Variants in PTPRG observed in about 807,000 individuals in gnomAD.
The protein encoded by PTPRG is receptor-type tyrosine-protein phosphatase gamma.
In PTPRG, 102 loss-of-function variants were observed where a neutral mutation model predicts 165.3. The observed-to-expected ratio is 0.62, with a 90% CI of 0.53 to 0.73. The LOEUF is 0.73. Among genes scored for constraint, PTPRG ranks in the 30% least tolerant of loss-of-function variants. The pLI is 0.00. For missense variants in PTPRG, 1,866 were observed against 1,861.4 expected, an observed-to-expected ratio of 1.00 and a Z score of -0.05; for synonymous variants, 675 against 669.5, an observed-to-expected ratio of 1.01 and a Z score of -0.13.
intron 2 of PTPRG, among the ~76,000 whole-genome samples, chr3:61,798,081 TA>T (rs1441059235): frequency 6.6e-6 from 1 of 152,198 alleles, no homozygotes; most frequent in East Asian, 1.9e-4. Flanking sequence ...TCTTCATTCT[TA>T]AAATGCTCGT....
chr3:61,706,376 A>ATT (rs61392463), intron 1 of PTPRG, among the ~76,000 whole-genome samples: 1 of 147,252 alleles, frequency 6.8e-6, no homozygotes, highest in African/African-American at 2.5e-5. Flanking sequence ...AGGAAGCTGT[A>ATT]TTTTTTTTTT....
intron 5 of PTPRG, among the ~76,000 whole-genome samples, chr3:62,085,022 A>G (rs1483820412): frequency 6.6e-6 from 1 of 152,216 alleles, no homozygotes; most frequent in Non-Finnish European, 1.5e-5. Context: ...ATTAGGGGGT[A>G]GAGCCTGAGA....
Position 62,216,140 on chromosome 3 carries a change from C to T in PTPRG, c.2156-2711C>T, listed in dbSNP as rs149570983. 6.6e-5 allele frequency among the ~76,000 whole-genome samples: 10 copies of T among 150,436 alleles called. No homozygotes were observed. In the East Asian group the frequency reaches 1.6e-3, roughly 24 times the overall value. ...GGCTAAGGTGGGAGGATCGCTTGAG[C>T]GTGGGAGGCGGAGGTTGCAGTGAGC... On this transcript the variant is annotated intron_variant, in intron 12 of 29. Transcript: ENST00000474889.
chr3:62,126,083 T>C (rs1230517499), intron 5 of PTPRG, among the ~76,000 whole-genome samples: 1 of 152,172 alleles, frequency 6.6e-6, no homozygotes, highest in East Asian at 1.9e-4. Context: ...AGAAATTGCA[T>C]GTATTGACAA....
intron 2 of PTPRG, among the ~76,000 whole-genome samples, chr3:61,916,972 G>C (rs896791410): frequency 9.9e-5 from 15 of 152,126 alleles, no homozygotes; most frequent in African/African-American, 3.6e-4. Context: ...CCATTCTTGT[G>C]GATAATTTTT....
chr3:61,598,767 T>C (rs868751738), intron 1 of PTPRG, among the ~76,000 whole-genome samples: 1 of 152,126 alleles, frequency 6.6e-6, no homozygotes, highest in African/African-American at 2.4e-5. Context: ...AGTTGGTTCC[T>C]TCTCAGGGTC....
intron 2 of PTPRG, among the ~76,000 whole-genome samples, chr3:61,868,328 T>C (rs2037467552): frequency 1.3e-5 from 2 of 152,188 alleles, no homozygotes. Flanking sequence ...TTCTTGCCTC[T>C]CTCAGATTTG....
At chr3:61,566,750 G>A (rs1265423902) in intron 1 of PTPRG, among the ~76,000 whole-genome samples, 1 of 152,140 alleles carries the variant, frequency 6.6e-6, no homozygotes, top group Non-Finnish European at 1.5e-5. Flanking sequence ...CAGGTGCTCT[G>A]CCCACCTCGG....
At position 62,228,100 on chromosome 3, in the gene PTPRG, A is replaced by G. The variant is rs1051359097; in HGVS notation, c.2289-3125A>G. Among the ~76,000 whole-genome samples, 1 of 152,078 alleles carries G rather than the reference A, an allele frequency of 6.6e-6. No homozygotes were observed. Among genetic ancestry groups the G allele is most frequent in the African/African-American group, 2.4e-5 (1 of 41,384 alleles). On this transcript the variant is annotated intron_variant, in intron 13 of 29. Transcript: ENST00000474889. The surrounding 1 kb of genome is among the most constrained non-coding windows in gnomAD (Gnocchi z 4.1). ...TTGATTTTGCATTCCCCTGGGTTGCAATAGTGATCAAGGAAAATAGTGTGT... is the reference window on the plus strand; with the variant it reads ...TTGATTTTGCATTCCCCTGGGTTGCGATAGTGATCAAGGAAAATAGTGTGT...
At position 61,621,033 on chromosome 3, in the gene PTPRG, GTATA is replaced by G. The variant is rs368012442; in HGVS notation, c.85+58677_85+58680del. On this transcript the variant is annotated intron_variant, in intron 1 of 29. Coordinates refer to ENST00000474889, the MANE Select transcript of PTPRG (RefSeq NM_002841.4). ...TGGACCCATGCCCCAGTGTGTGTGT[GTATA>G]TATATATATATATATGTGTGTGTGT... 1.5e-3 allele frequency among the ~76,000 whole-genome samples: 191 copies of G among 130,032 alleles called. 8 individuals carry two copies. In the South Asian group the frequency reaches 0.018, roughly 12 times the overall value. 85.3% of individuals were successfully genotyped at this position (130,032 alleles called of 152,430 possible). A position where few individuals can be genotyped will look rare whatever the true frequency, so the allele number is the denominator to read the frequency against.
intron 1 of PTPRG, among the ~76,000 whole-genome samples, chr3:61,622,633 A>C (rs1255097760): frequency 6.6e-6 from 1 of 152,210 alleles, no homozygotes; most frequent in East Asian, 1.9e-4. Context: ...TCTCTGATTT[A>C]TTATACAAAT....
At position 62,224,981 on chromosome 3, in the gene PTPRG, G is replaced by C. The variant is rs1397431396; in HGVS notation, c.2288+5998G>C. The stretch of plus-strand genomic sequence containing the variant: ...GGACAAGGGGCAGGGTTGTGAGGCA[G>C]ATAATAAAAATAAAATCAACTAACA... On this transcript the variant is annotated intron_variant, in intron 13 of 29. Coordinates refer to ENST00000474889, the MANE Select transcript of PTPRG (RefSeq NM_002841.4). This position sits in a 1 kb window ranked among gnomAD's most constrained non-coding sequence, Gnocchi z 4.9. Among the ~76,000 whole-genome samples, 1 of 152,126 alleles carries C rather than the reference G, an allele frequency of 6.6e-6. No homozygotes were observed. The highest frequency in any genetic ancestry group is 1.5e-5 in the Non-Finnish European group (1 of 68,022).
chr3:62,011,146 G>T (rs185151387), intron 4 of PTPRG, among the ~76,000 whole-genome samples: 1 of 152,142 alleles, frequency 6.6e-6, no homozygotes, highest in African/African-American at 2.4e-5. Flanking sequence ...CTTCCAGTGC[G>T]CATGCAGGCC....
rs1334737368 is a variant in PTPRG, at chr3:61,817,205, TATA to T, written c.190+68230_190+68232del. ...ATATATAAAATAATATATATAATAA[TATA>T]ATAATATATATAAATATATATTTAT... On this transcript the variant is annotated intron_variant, in intron 2 of 29. Coordinates refer to ENST00000474889, the MANE Select transcript of PTPRG (RefSeq NM_002841.4). 7.9e-3 allele frequency among the ~76,000 whole-genome samples: 1,099 copies of T among 139,026 alleles called. 11 individuals carry two copies. The highest frequency in any genetic ancestry group is 0.028 in the African/African-American group (1,058 of 37,768). The allele number at this position is 139,026 out of a possible 152,430, so 91.2% of individuals were successfully genotyped here.
intron 1 of PTPRG, among the ~76,000 whole-genome samples, chr3:61,602,176 C>G (rs1700887586): frequency 6.6e-6 from 1 of 151,330 alleles, no homozygotes; most frequent in South Asian, 2.1e-4. Context: ...TTTTTAATTT[C>G]TGTGGGTACT....
At chr3:61,993,639 T>G (rs1296075488) in intron 3 of PTPRG, among the ~76,000 whole-genome samples, 1 of 152,334 alleles carries the variant, frequency 6.6e-6, no homozygotes, top group East Asian at 1.9e-4. Flanking sequence ...ATTAAAAGTT[T>G]AATTTAAAAA....
chr3:62,157,331 T>C, intron 7 of PTPRG, 107 bp downstream of exon 7: 1 of 1,127,618 alleles, frequency 8.9e-7, no homozygotes, highest in African/African-American at 1.5e-5. Flanking sequence ...CTTGATCCTG[T>C]GCATATCATT....
At chr3:61,836,159 T>TA (rs994211283) in intron 2 of PTPRG, among the ~76,000 whole-genome samples, 3 of 151,774 alleles carry the variant, frequency 2.0e-5, no homozygotes, top group African/African-American at 7.3e-5. Context: ...TCTTTGTTCT[T>TA]ACAGCTATGT....
intron 2 of PTPRG, among the ~76,000 whole-genome samples, chr3:61,851,300 A>G (rs1432098233): frequency 6.6e-6 from 1 of 152,182 alleles, no homozygotes; most frequent in African/African-American, 2.4e-5. Flanking sequence ...CACTGTCTGT[A>G]TTTCAAAGTC....
Sources: allele counts gnomAD v4.1 joint callset (sites outside exome capture counted in the v4.1 genomes callset), GRCh38; gene constraint gnomAD v4.1.1; non-coding constraint Gnocchi (gnomAD v3.1); transcripts MANE v1.5; gene names NCBI Gene and HGNC (gene_info 2026-07-23, HGNC 2026-07-21).